The following NDRG4 variants were observed in gnomAD, a reference collection of about 807,000 sequenced individuals.
NDRG4 encodes protein NDRG4.
A neutral mutation model predicts 55.8 loss-of-function variants in NDRG4; 38 were observed. The observed-to-expected ratio is 0.68, with a 90% CI of 0.53 to 0.89. The LOEUF (loss-of-function observed/expected upper bound fraction) is 0.89. NDRG4 is among the 40% of genes least tolerant of loss of function. NDRG4 has a pLI of 0.00. For missense variants in NDRG4, 455 were observed against 468.6 expected (o/e 0.97, Z 0.27); for synonymous variants, 190 against 182.7 (o/e 1.04, Z -0.32).
At chr16:58,494,847 A>AAAT in intron 2 of NDRG4, 1 of 743,722 alleles carries the variant, frequency 1.3e-6, no homozygotes, top group Non-Finnish European at 2.1e-6. Context: ...AAAAAAAAAA[A>AAAT]GAAAAGAAAA....
intron 5 of NDRG4, among the ~76,000 whole-genome samples, chr16:58,505,374 C>A (rs1239130945): frequency 1.4e-5 from 2 of 144,404 alleles, no homozygotes; most frequent in South Asian, 2.2e-4. Flanking sequence ...TAAAAAAAAT[C>A]ATTGTTGGGT....
chr16:58,474,566 T>C (rs2033370174), intron 1 of NDRG4, among the ~76,000 whole-genome samples: 1 of 152,158 alleles, frequency 6.6e-6, no homozygotes, highest in Non-Finnish European at 1.5e-5. Context: ...TGAAGCTGCT[T>C]CCTGCATTGC....
At chr16:58,497,166 A>G (rs2036502567), upstream of NDRG4, among the ~76,000 whole-genome samples, 1 of 152,106 alleles carries the variant, frequency 6.6e-6, no homozygotes, top group Non-Finnish European at 1.5e-5. Flanking sequence ...TACTAAAAAT[A>G]CAATAATTAG....
At chr16:58,465,199 T>C in intron 1 of NDRG4, 1 of 927,052 alleles carries the variant, frequency 1.1e-6, no homozygotes, top group Non-Finnish European at 1.5e-6. Context: ...GACTTATAGG[T>C]GCTCCATCCG....
intron 1 of NDRG4, among the ~76,000 whole-genome samples, chr16:58,469,332 C>G (rs2032331408): frequency 6.6e-6 from 1 of 151,838 alleles, no homozygotes; most frequent in Non-Finnish European, 1.5e-5. Flanking sequence ...AAGCGTGGTC[C>G]CTTGGAGGAG....
At position 58,464,512 on chromosome 16, in the gene NDRG4, G is replaced by T. The variant is rs2031187588; in HGVS notation, c.-24+715G>T. The T allele has an allele frequency of 2.3e-6, 3 of 1,299,246 alleles. No homozygotes were observed. Among genetic ancestry groups the T allele is most frequent in the South Asian group, 2.3e-5 (1 of 43,182 alleles). 80.5% of individuals were successfully genotyped at this position (1,299,246 alleles called of 1,614,324 possible). ...CAGCCGGCCGCCACTTTCCGAGTTGGAGCGGACTCCGGGCGCGGCGGCCGG... is the reference window on the plus strand; with the variant it reads ...CAGCCGGCCGCCACTTTCCGAGTTGTAGCGGACTCCGGGCGCGGCGGCCGG... On this transcript the variant is annotated intron_variant, in intron 1 of 15. Coordinates refer to the NDRG4 transcript ENST00000258187. This position sits in a 1 kb window ranked among gnomAD's most constrained non-coding sequence, Gnocchi z 4.8.
intron 6 of NDRG4, 32 bp from the exon 7 acceptor site, chr16:58,506,526 C>T (rs376628186): frequency 3.3e-5 from 53 of 1,599,042 alleles, no homozygotes; most frequent in East Asian, 2.9e-4. Context: ...GGGTGAGGGG[C>T]GGCACTCACG....
At position 58,506,473 on chromosome 16, in the gene NDRG4, G is replaced by A; in HGVS notation, c.459G>A (p.Lys153=). The A allele has an allele frequency of 2.5e-6, 4 of 1,610,128 alleles. No individual in the cohort carries two copies. The highest frequency in any genetic ancestry group is 3.4e-6 in the Non-Finnish European group (4 of 1,178,904). Reference sequence around the variant, plus strand: ...GCTGGATAGACTGGGCTGCCACCAAGGTGTGTGTGGTGACCGGGGGTGGGG... The same window carrying A: ...GCTGGATAGACTGGGCTGCCACCAAAGTGTGTGTGGTGACCGGGGGTGGGG... ...GKGWIDWAAT[K]LSGLTSTLPD... The change falls in exon 6 of 15, where the codon AAG becomes AAA. Residue 153 remains lysine, a splice_region_variant and synonymous_variant. Transcript: ENST00000570248.
At position 58,474,477 on chromosome 16, in the gene NDRG4, G is replaced by C. The variant is rs146036080; in HGVS notation, c.-24+10680G>C. On this transcript the variant is annotated intron_variant, in intron 1 of 15. Transcript: ENST00000258187. ...ACGCTCGCTCCTGGATCTCCTTCAA[G>C]TCTTGCTTGCCTCCCCTTCTCAGCA... Among the ~76,000 whole-genome samples, 871 of 152,192 alleles carry C rather than the reference G, an allele frequency of 5.7e-3. 6 individuals are homozygous for C. The highest frequency in any genetic ancestry group is 8.9e-3 in the Non-Finnish European group (603 of 68,008).
chr16:58,469,176 T>C (rs1475837650), intron 1 of NDRG4, among the ~76,000 whole-genome samples: 1 of 152,234 alleles, frequency 6.6e-6, no homozygotes, highest in Non-Finnish European at 1.5e-5. Flanking sequence ...TTGACCCACA[T>C]TTTACATACG....
intron 1 of NDRG4, among the ~76,000 whole-genome samples, chr16:58,484,835 A>G (rs1193797980): frequency 6.8e-6 from 1 of 147,762 alleles, no homozygotes; most frequent in Non-Finnish European, 1.5e-5. Context: ...TAGGACTCTC[A>G]TTTTCTTATA....
In NDRG4 at chr16:58,503,672, G is replaced by C. The variant is rs765017517; in HGVS notation, c.22-126G>C. 192 of 1,541,638 alleles carry C rather than the reference G, an allele frequency of 1.2e-4. 1 individual carries two copies. Among genetic ancestry groups the C allele is most frequent in the Non-Finnish European group, 1.5e-4 (172 of 1,146,914 alleles). On this transcript the variant is annotated intron_variant, in intron 1 of 14. Coordinates refer to ENST00000570248, the MANE Select transcript of NDRG4 (RefSeq NM_001242835.2). ...CTCTGGGGGCTTCTTGGGGTGATGAGAACAGGATGCCCCAAGTAGGGGCTC... is the reference window on the plus strand; with the variant it reads ...CTCTGGGGGCTTCTTGGGGTGATGACAACAGGATGCCCCAAGTAGGGGCTC...
Position 58,503,789 on chromosome 16 carries a change from C to G in NDRG4, c.22-9C>G. The G allele has an allele frequency of 6.2e-7, 1 of 1,613,874 alleles. No individual in the cohort carries two copies. Among genetic ancestry groups the G allele is most frequent in the Non-Finnish European group, 8.5e-7 (1 of 1,179,978 alleles). ...GCCCAGAGTGTCCAGCACGGTCTCT[C>G]CCCTTCAGGAACATGACATCGAGAC... On this transcript the variant is annotated splice_polypyrimidine_tract_variant and intron_variant, in intron 1 of 14. Transcript: ENST00000570248.
At chr16:58,474,719 C>G (rs1189175140) in intron 1 of NDRG4, among the ~76,000 whole-genome samples, 2 of 152,178 alleles carry the variant, frequency 1.3e-5, no homozygotes, top group African/African-American at 4.8e-5. Context: ...CAGTAGGTGC[C>G]AAATCAGTAT....
chr16:58,490,132 G>A (rs943309821), intron 2 of NDRG4, among the ~76,000 whole-genome samples: 9 of 152,164 alleles, frequency 5.9e-5, no homozygotes, highest in African/African-American at 2.2e-4. Context: ...CTGAGCCTCT[G>A]TGCCTGCCTA....
At position 58,464,457 on chromosome 16, in the gene NDRG4, G is replaced by T; in HGVS notation, c.-24+660G>T. 1 of 1,345,168 alleles carries T rather than the reference G, an allele frequency of 7.4e-7. No homozygotes were observed. 83.3% of individuals were successfully genotyped at this position (1,345,168 alleles called of 1,614,324 possible). A position where few individuals can be genotyped will look rare whatever the true frequency, so the allele number is the denominator to read the frequency against. ...TGAAGGTGCTGGGACACCGGCTGGA[G>T]CTGCTCACAGGTACCGCCCGCCTGC... On this transcript the variant is annotated intron_variant, in intron 1 of 15. Transcript: ENST00000258187. The surrounding 1 kb of genome is among the most constrained non-coding windows in gnomAD (Gnocchi z 4.8).
intron 1 of NDRG4, chr16:58,475,687 A>G (rs1041349235): frequency 4.4e-6 from 2 of 455,674 alleles, no homozygotes; most frequent in Non-Finnish European, 8.8e-6. Context: ...CTATATCACT[A>G]CTATGCCACC....
At chr16:58,503,630 T>C in intron 1 of NDRG4, 168 bp from the exon 2 acceptor site, 1 of 1,331,334 alleles carries the variant, frequency 7.5e-7, no homozygotes, top group East Asian at 2.5e-5. Context: ...GAAGGGGTGT[T>C]CCATCCATTC....
At position 58,464,854 on chromosome 16, in the gene NDRG4, C is replaced by G; in HGVS notation, c.-24+1057C>G. Reference sequence around the variant, plus strand: ...GCCATGGACCTCTTATTTCTGCGCCCTGTGACAATCTGAGCCGTCTTTCTC... The same window carrying G: ...GCCATGGACCTCTTATTTCTGCGCCGTGTGACAATCTGAGCCGTCTTTCTC... On this transcript the variant is annotated intron_variant, in intron 1 of 15. Transcript: ENST00000258187. This position sits in a 1 kb window ranked among gnomAD's most constrained non-coding sequence, Gnocchi z 4.8. 1 of 1,215,280 alleles carries G rather than the reference C, an allele frequency of 8.2e-7. No individual in the cohort carries two copies. The highest frequency in any genetic ancestry group is 1.6e-5 in the African/African-American group (1 of 63,648). 75.3% of individuals were successfully genotyped at this position (1,215,280 alleles called of 1,614,324 possible).
Sources: gnomAD v4.1 joint callset for allele counts (sites outside exome capture counted in the v4.1 genomes callset) on GRCh38, gnomAD v4.1.1 for gene constraint, Gnocchi (gnomAD v3.1) non-coding constraint, MANE v1.5 for transcripts, NCBI Gene and HGNC (gene_info 2026-07-23, HGNC 2026-07-21) for gene names.